The following WDR31 variants were observed in gnomAD, a reference collection of about 807,000 sequenced individuals.
WDR31 encodes the protein WD repeat domain 31, also known as WD repeat-containing protein 31.
WDR31 carries 30 observed loss-of-function variants against 47.3 expected under a neutral mutation model. That is an observed-to-expected ratio of 0.63 (90% CI 0.47 to 0.86). The LOEUF (loss-of-function observed/expected upper bound fraction) is 0.86, where lower values mean the gene tolerates loss of function less well. WDR31 is among the 40% of genes least tolerant of loss of function. The pLI, the probability that WDR31 is intolerant of heterozygous loss-of-function variation, is 0.00. For synonymous variants in WDR31, 137 were observed against 159.4 expected, an observed-to-expected ratio of 0.86 and a Z score of 1.06; for missense variants, 406 against 442.9, an observed-to-expected ratio of 0.92 and a Z score of 0.75.
chr9:113,329,097 T>G, intron 4 of WDR31, 142 bp from the exon 5 acceptor site: 2 of 721,112 alleles, frequency 2.8e-6, no homozygotes, highest in Non-Finnish European at 4.7e-6. Context: ...CGGGGTTCCC[T>G]GTTGTGGCCG....
In WDR31 at chr9:113,316,565, T is replaced by C. The variant is rs747606682; in HGVS notation, c.*184A>G. On this transcript the variant is annotated 3_prime_UTR_variant, in exon 11 of 11. Coordinates refer to ENST00000374193, the MANE Select transcript of WDR31 (RefSeq NM_001012361.4). ...ATGTGTAGTCCATGTTTCTGGACTC[T>C]ATACCTGATTTTGAATCACTGGACT... 2.9e-6 allele frequency: 2 copies of C among 684,516 alleles called. No homozygotes were observed. Among genetic ancestry groups the C allele is most frequent in the Non-Finnish European group, 4.7e-6 (2 of 425,376 alleles). The allele number at this position is 684,516 out of a possible 1,614,324, so 42.4% of individuals were successfully genotyped here. A position where few individuals can be genotyped will look rare whatever the true frequency, so the allele number is the denominator to read the frequency against.
At position 113,331,941 on chromosome 9, in the gene WDR31, G is replaced by A. The variant is rs1454800239; in HGVS notation, c.82C>T (p.Gln28Ter). The A allele has an allele frequency of 6.2e-7, 1 of 1,613,740 alleles. No homozygotes were observed. Among genetic ancestry groups the A allele is most frequent in the Non-Finnish European group, 8.5e-7 (1 of 1,179,824 alleles). The change falls in exon 3 of 11, where the codon CAA (glutamine) becomes TAA (stop). Residue 28 changes from glutamine to a stop codon, truncating the protein, a stop_gained. Coordinates refer to ENST00000374193, the MANE Select transcript of WDR31 (RefSeq NM_001012361.4). LOFTEE classifies it high-confidence loss of function. ...FRFCVVMGKQ[Q>*]SKLKHSTYKY... ...TAAGTGCTGTGTTTGAGTTTGCTTTGCTGTTTCCCCATCACGACACAAAAC... is the reference window on the plus strand; with the variant it reads ...TAAGTGCTGTGTTTGAGTTTGCTTTACTGTTTCCCCATCACGACACAAAAC...
At chr9:113,323,270 C>G (rs1176425396) in intron 5 of WDR31, 115 bp from the exon 6 acceptor site, 2 of 1,308,862 alleles carry the variant, frequency 1.5e-6, no homozygotes, top group African/African-American at 3.0e-5. Flanking sequence ...CACTTCTTTT[C>G]TTTTTTTTTG....
At position 113,316,127 on chromosome 9, in the gene WDR31, A is replaced by T. The variant is rs1039060284; in HGVS notation, c.*622T>A. 6.6e-6 allele frequency: 1 copy of T among 152,264 alleles called. No homozygotes were observed. Among genetic ancestry groups the T allele is most frequent in the African/African-American group, 2.4e-5 (1 of 41,468 alleles). The allele number at this position is 152,264 out of a possible 1,614,324, so 9.4% of individuals were successfully genotyped here. On this transcript the variant is annotated 3_prime_UTR_variant, in exon 11 of 11. Coordinates refer to ENST00000374193, the MANE Select transcript of WDR31 (RefSeq NM_001012361.4). ...GGTCTGATTTTCACACAAGCTCAGC[A>T]GCACTGGGCTAGAAGGGTACCGCCC...
chr9:113,334,238 G>A (rs1320996615), intron 2 of WDR31, among the ~76,000 whole-genome samples: 1 of 152,056 alleles, frequency 6.6e-6, no homozygotes, highest in Non-Finnish European at 1.5e-5. Context: ...ACGTGCCTTG[G>A]CCTCCCAAAG....
In WDR31 at chr9:113,314,125, A is replaced by C. The variant is rs532552931; in HGVS notation, c.*2624T>G. On this transcript the variant is annotated 3_prime_UTR_variant, in exon 11 of 11. Transcript: ENST00000374193. ...CAGCGAGCCGAGATTGCACCACTGC[A>C]CTCCAGCCTGGGCGACAGAGCAAGA... is the stretch of plus-strand genomic sequence containing the variant. 3.2e-5 allele frequency: 4 copies of C among 126,322 alleles called. No homozygotes were observed. Among genetic ancestry groups the C allele is most frequent in the Non-Finnish European group, 4.8e-5 (3 of 63,034 alleles). 7.8% of individuals were successfully genotyped at this position (126,322 alleles called of 1,614,324 possible). A position where few individuals can be genotyped will look rare whatever the true frequency, so the allele number is the denominator to read the frequency against.
intron 7 of WDR31, among the ~76,000 whole-genome samples, chr9:113,322,470 G>T (rs1365060249): frequency 2.0e-5 from 3 of 152,206 alleles, no homozygotes; most frequent in African/African-American, 7.2e-5. Flanking sequence ...ATAAGCATAA[G>T]CTGTGAGGTC....
intron 5 of WDR31, among the ~76,000 whole-genome samples, chr9:113,323,467 G>A (rs1833378446): frequency 6.6e-6 from 1 of 152,010 alleles, no homozygotes; most frequent in African/African-American, 2.4e-5. Context: ...TCACCATGTT[G>A]GCCAGGCTGG....
chr9:113,328,216 T>C lies in WDR31; in HGVS notation c.324+665A>G, dbSNP rs979799501. The stretch of plus-strand genomic sequence containing the variant: ...TTAGTGACATCTGCACTCTGCCAAA[T>C]ATCTGGGGATAAGTGCATTACAGCA... On this transcript the variant is annotated intron_variant, in intron 5 of 10. Transcript: ENST00000374193. 1.3e-5 allele frequency among the ~76,000 whole-genome samples: 2 copies of C among 152,330 alleles called. 1 individual carries two copies. Among genetic ancestry groups the C allele is most frequent in the South Asian group, 4.1e-4 (2 of 4,826 alleles).
At chr9:113,328,366 G>A (rs969533221) in intron 5 of WDR31, among the ~76,000 whole-genome samples, 1 of 152,122 alleles carries the variant, frequency 6.6e-6, no homozygotes, top group African/African-American at 2.4e-5. Context: ...TTAATTTTTG[G>A]TTCATTTAGG....
intron 10 of WDR31, 60 bp downstream of exon 10, chr9:113,318,415 T>A (rs1164851004): frequency 5.0e-6 from 8 of 1,600,402 alleles, no homozygotes; most frequent in Non-Finnish European, 6.0e-6. Context: ...AGAAGGAGTT[T>A]TAAAGAAGGT....
chr9:113,321,379 T>C (rs1178160770), intron 8 of WDR31, 132 bp downstream of exon 8: 3 of 856,988 alleles, frequency 3.5e-6, no homozygotes, highest in Non-Finnish European at 5.5e-6. Context: ...CCAGCACCAG[T>C]GAAGGGCAGA....
intron 2 of WDR31, among the ~76,000 whole-genome samples, chr9:113,334,493 A>G (rs1306825858): frequency 6.6e-6 from 1 of 152,006 alleles, no homozygotes; most frequent in African/African-American, 2.4e-5. Context: ...ATTAATAAGT[A>G]AATGTCTTTA....
At chr9:113,328,777 A>AT in intron 5 of WDR31, 104 bp downstream of exon 5, 1 of 1,007,312 alleles carries the variant, frequency 9.9e-7, no homozygotes, top group Non-Finnish European at 1.5e-6. Context: ...AAACCTTTGC[A>AT]TTTTTCCTTA....
At chr9:113,320,547 A>G (rs781472280) in intron 8 of WDR31, 49 bp from the exon 9 acceptor site, 2 of 1,592,754 alleles carry the variant, frequency 1.3e-6, no homozygotes, top group Non-Finnish European at 1.7e-6. Flanking sequence ...TGTGGCTGAA[A>G]TACACCCGTA....
intron 10 of WDR31, among the ~76,000 whole-genome samples, chr9:113,318,006 T>A (rs1833246038): frequency 6.6e-6 from 1 of 152,238 alleles, no homozygotes; most frequent in Non-Finnish European, 1.5e-5. Flanking sequence ...CTGGGTTGCA[T>A]AAGACATCTT....
Position 113,328,378 on chromosome 9 carries a change from G to A in WDR31, c.324+503C>T, listed in dbSNP as rs16932687. On this transcript the variant is annotated intron_variant, in intron 5 of 10. Coordinates refer to ENST00000374193, the MANE Select transcript of WDR31 (RefSeq NM_001012361.4). ...ATCTTAATTTTTGGTTCATTTAGGC[G>A]GACTTCAGAGCGGGGAATTATATAA... Among the ~76,000 whole-genome samples the A allele has an allele frequency of 7.4e-3, 1,125 of 152,220 alleles. 15 individuals carry two copies. The highest frequency in any genetic ancestry group is 0.026 in the African/African-American group (1,065 of 41,518).
chr9:113,321,548 G>GC lies in WDR31; in HGVS notation c.600_601insG (p.Pro201AlafsTer8). ...TCTTCAGAGGTCTGTAGTATGTATG[G>GC]TTCTCTGGGGACCCAGCACAGGTGA... On this transcript the variant is annotated frameshift_variant, in exon 8 of 11. Transcript: ENST00000374193. LOFTEE classifies it high-confidence loss of function. 1.2e-6 allele frequency: 2 copies of GC among 1,614,182 alleles called. No homozygotes were observed. Among genetic ancestry groups the GC allele is most frequent in the South Asian group, 2.2e-5 (2 of 91,068 alleles).
chr9:113,335,876 C>T (rs908528812), intron 2 of WDR31, among the ~76,000 whole-genome samples: 5 of 152,152 alleles, frequency 3.3e-5, no homozygotes, highest in Admixed American at 6.5e-5. Context: ...GAAGGTCTCT[C>T]GTTATTCATC....
Sources: allele counts gnomAD v4.1 joint callset (sites outside exome capture counted in the v4.1 genomes callset), GRCh38; gene constraint gnomAD v4.1.1; transcripts MANE v1.5; gene names NCBI Gene and HGNC (gene_info 2026-07-23, HGNC 2026-07-21).